The following LURAP1L variants were observed in gnomAD, a reference collection of about 807,000 sequenced individuals.
LURAP1L encodes the protein leucine rich adaptor protein 1-like.
LURAP1L carries 12 observed loss-of-function variants against 13.8 expected under a neutral mutation model. The observed-to-expected ratio is 0.87, with a 90% CI of 0.56 to 1.41. LURAP1L has a LOEUF of 1.41. Ranked by LOEUF, LURAP1L falls within the 40% of genes most tolerant of loss-of-function variation. LURAP1L has a pLI of 0.00. For missense variants in LURAP1L, 375 were observed against 292.9 expected, an observed-to-expected ratio of 1.28 and a Z score of -2.04; for synonymous variants, 139 against 119.2, an observed-to-expected ratio of 1.17 and a Z score of -1.08.
At chr9:12,816,943 G>T (rs965785781) in intron 1 of LURAP1L, among the ~76,000 whole-genome samples, 1 of 152,138 alleles carries the variant, frequency 6.6e-6, no homozygotes, top group Admixed American at 6.5e-5. Context: ...TGTCCTGGTT[G>T]TTTGTTCCCT....
intron 1 of LURAP1L, among the ~76,000 whole-genome samples, chr9:12,795,490 G>A (rs1819500566): frequency 6.6e-6 from 1 of 152,056 alleles, no homozygotes; most frequent in African/African-American, 2.4e-5. Flanking sequence ...AAATAGGATA[G>A]CTGTAGGTAG....
chr9:12,781,001 C>T (rs979235875), intron 1 of LURAP1L, among the ~76,000 whole-genome samples: 3 of 151,992 alleles, frequency 2.0e-5, no homozygotes, highest in African/African-American at 7.3e-5. Flanking sequence ...GATGGAGTTT[C>T]GCTCTTGTTG....
chr9:12,806,414 T>G (rs1819657006), intron 1 of LURAP1L, among the ~76,000 whole-genome samples: 1 of 152,094 alleles, frequency 6.6e-6, no homozygotes, highest in Admixed American at 6.5e-5. Flanking sequence ...TAGAAGCAAT[T>G]TGCATTTCTT....
At chr9:12,778,312 A>G (rs1363514072) in intron 1 of LURAP1L, among the ~76,000 whole-genome samples, 1 of 152,152 alleles carries the variant, frequency 6.6e-6, no homozygotes, top group Non-Finnish European at 1.5e-5. Context: ...CCCTCATTCT[A>G]GTCATGGCTT....
intron 1 of LURAP1L, among the ~76,000 whole-genome samples, chr9:12,808,071 ATT>A (rs1819685136): frequency 6.6e-6 from 1 of 152,102 alleles, no homozygotes; most frequent in African/African-American, 2.4e-5. Context: ...CACTGAATGC[ATT>A]GTCATTGTTA....
At chr9:12,812,031 A>C (rs1819743562) in intron 1 of LURAP1L, among the ~76,000 whole-genome samples, 1 of 152,214 alleles carries the variant, frequency 6.6e-6, no homozygotes. Context: ...CACAAGGGGC[A>C]GTTCACAGCA....
intron 1 of LURAP1L, among the ~76,000 whole-genome samples, chr9:12,820,058 C>A (rs1331415471): frequency 6.6e-6 from 1 of 152,174 alleles, no homozygotes; most frequent in Non-Finnish European, 1.5e-5. Context: ...TCTGTTCCAA[C>A]AGAACAATCA....
chr9:12,796,613 G>C (rs1282761608), intron 1 of LURAP1L, among the ~76,000 whole-genome samples: 1 of 151,948 alleles, frequency 6.6e-6, no homozygotes, highest in African/African-American at 2.4e-5. Context: ...TAAGCTGGAG[G>C]AATATACCTC....
intron 1 of LURAP1L, among the ~76,000 whole-genome samples, chr9:12,821,137 G>C (rs898879345): frequency 6.6e-6 from 1 of 152,188 alleles, no homozygotes; most frequent in Non-Finnish European, 1.5e-5. Context: ...CACTTGGTTA[G>C]GGTCAGGGAT....
intron 1 of LURAP1L, among the ~76,000 whole-genome samples, chr9:12,803,544 T>TTG (rs763174877): frequency 5.3e-4 from 80 of 152,214 alleles, no homozygotes; most frequent in Non-Finnish European, 1.1e-3. Context: ...TTTTAAGTTA[T>TTG]TTCTGCTGGA....
intron 1 of LURAP1L, among the ~76,000 whole-genome samples, chr9:12,776,537 G>T (rs1484195790): frequency 6.6e-6 from 1 of 151,868 alleles, no homozygotes; most frequent in Non-Finnish European, 1.5e-5. Flanking sequence ...GTACCGCTCC[G>T]CCCTCCTGCC....
intron 1 of LURAP1L, among the ~76,000 whole-genome samples, chr9:12,801,290 G>A (rs982474069): frequency 7.3e-5 from 11 of 151,038 alleles, no homozygotes; most frequent in Admixed American, 6.0e-4. Context: ...CTAGCATTAG[G>A]ATATTATGTT....
At chr9:12,786,547 C>CACATATATATAT (rs1819354134) in intron 1 of LURAP1L, among the ~76,000 whole-genome samples, 1 of 53,006 alleles carries the variant, frequency 1.9e-5, no homozygotes, top group Non-Finnish European at 3.3e-5. Flanking sequence ...ATATATATGA[C>CACATATATATAT]ATATATATAT....
chr9:12,786,215 G>A (rs752277572), intron 1 of LURAP1L, among the ~76,000 whole-genome samples: 35 of 151,910 alleles, frequency 2.3e-4, no homozygotes, highest in Non-Finnish European at 4.1e-4. Flanking sequence ...CAGAGCTTAA[G>A]AAATTCTTAT....
At chr9:12,821,345 G>A (rs371697946) in intron 1 of LURAP1L, 41 bp from the exon 2 acceptor site, 8 of 1,581,334 alleles carry the variant, frequency 5.1e-6, no homozygotes, top group South Asian at 1.2e-5. Context: ...TTTCGAGAGT[G>A]TAAAATGGCT....
intron 1 of LURAP1L, chr9:12,777,626 C>G (rs1177932561): frequency 1.1e-6 from 1 of 948,388 alleles, no homozygotes. Flanking sequence ...ATAATACTGT[C>G]ATTTTGCTGG....
intron 1 of LURAP1L, among the ~76,000 whole-genome samples, chr9:12,801,644 C>T (rs1428890760): frequency 6.6e-6 from 1 of 152,108 alleles, no homozygotes; most frequent in Non-Finnish European, 1.5e-5. Flanking sequence ...AGGAATTAAA[C>T]TTGGGAATGA....
intron 1 of LURAP1L, among the ~76,000 whole-genome samples, chr9:12,813,549 AT>A (rs1563898335): frequency 6.6e-6 from 1 of 152,116 alleles, no homozygotes; most frequent in African/African-American, 2.4e-5. Context: ...CTTGATTTTT[AT>A]TTTATTGGTT....
chr9:12,794,195 A>G (rs2118497404), intron 1 of LURAP1L, among the ~76,000 whole-genome samples: 1 of 152,206 alleles, frequency 6.6e-6, no homozygotes, highest in East Asian at 1.9e-4. Context: ...AGCAGCCAAT[A>G]TAAACAGAGA....
Sources: allele counts gnomAD v4.1 joint callset (sites outside exome capture counted in the v4.1 genomes callset), GRCh38; gene constraint gnomAD v4.1.1; transcripts MANE v1.5; gene names NCBI Gene and HGNC (gene_info 2026-07-23, HGNC 2026-07-21).